Variants in CPED1 observed in about 807,000 individuals in gnomAD.
The protein encoded by CPED1 is cadherin like and PC-esterase domain containing 1.
In CPED1, 114 loss-of-function variants were observed where a neutral mutation model predicts 128.2. The observed-to-expected ratio is 0.89, with a 90% CI of 0.76 to 1.04. The LOEUF is 1.04. CPED1 is among the 50% of genes least tolerant of loss of function. The pLI is 0.00. For synonymous variants in CPED1, 462 were observed against 426.7 expected, an observed-to-expected ratio of 1.08 and a Z score of -1.02; for missense variants, 1,211 against 1,207.1, an observed-to-expected ratio of 1.00 and a Z score of -0.05.
intron 3 of CPED1, among the ~76,000 whole-genome samples, chr7:121,027,742 GTAATAATAATAATAATAA>G (rs10682627): frequency 1.4e-5 from 2 of 143,490 alleles, no homozygotes; most frequent in East Asian, 4.2e-4. Context: ...ATAACCTTTA[GTAATAATAATAATAATAA>G]TAATAATAAT....
intron 17 of CPED1, among the ~76,000 whole-genome samples, chr7:121,237,639 C>T (rs889220604): frequency 6.6e-6 from 1 of 152,110 alleles, no homozygotes; most frequent in Non-Finnish European, 1.5e-5. Context: ...GTTAGAGGAA[C>T]AGAGAGCATC....
intron 9 of CPED1, among the ~76,000 whole-genome samples, chr7:121,126,611 T>C (rs1446015050): frequency 6.6e-6 from 1 of 152,168 alleles, no homozygotes; most frequent in East Asian, 1.9e-4. Context: ...CCTCAAACTA[T>C]TATTCCGGTA....
At chr7:121,293,661 T>A (rs2116795048) in intron 22 of CPED1, among the ~76,000 whole-genome samples, 1 of 152,272 alleles carries the variant, frequency 6.6e-6, no homozygotes, top group Middle Eastern at 3.4e-3. Context: ...AATCTCCTGG[T>A]CTGCGGGTTG....
At chr7:121,148,342 C>A (rs1307821177) in intron 16 of CPED1, among the ~76,000 whole-genome samples, 2 of 152,148 alleles carry the variant, frequency 1.3e-5, no homozygotes, top group Non-Finnish European at 2.9e-5. Context: ...AGCAATGAAG[C>A]ATTTGTAGAA....
At chr7:120,993,591 C>T (rs1185515226) in intron 2 of CPED1, among the ~76,000 whole-genome samples, 1 of 152,096 alleles carries the variant, frequency 6.6e-6, no homozygotes. Flanking sequence ...GTATATTTAA[C>T]ATTTGAAAAT....
intron 10 of CPED1, 89 bp downstream of exon 10, chr7:121,127,346 A>G: frequency 2.5e-6 from 2 of 793,986 alleles, no homozygotes; most frequent in Middle Eastern, 3.8e-4. Flanking sequence ...CAGCAACTTG[A>G]TAATTCACTT....
intron 5 of CPED1, 48 bp downstream of exon 5, chr7:121,064,361 G>T (rs920561569): frequency 2.3e-6 from 3 of 1,310,746 alleles, no homozygotes; most frequent in Non-Finnish European, 2.2e-6. Context: ...AGATATGCAG[G>T]CTCCCTTAGC....
At chr7:121,234,896 T>A (rs923205106) in intron 16 of CPED1, among the ~76,000 whole-genome samples, 14 of 152,166 alleles carry the variant, frequency 9.2e-5, no homozygotes, top group African/African-American at 3.4e-4. Context: ...AATATCTCCA[T>A]GTTACTTAGT....
At chr7:120,994,660 T>TGTGTGTGTGTGTGTG (rs60506801) in intron 2 of CPED1, among the ~76,000 whole-genome samples, 2 of 127,338 alleles carry the variant, frequency 1.6e-5, no homozygotes, top group African/African-American at 6.0e-5. Context: ...TGTGTGTGTG[T>TGTGTGTGTGTGTGTG]TGTTGTTGTT....
chr7:121,098,627 G>C (rs867041576), intron 6 of CPED1, among the ~76,000 whole-genome samples: 18 of 151,102 alleles, frequency 1.2e-4, no homozygotes, highest in African/African-American at 4.1e-4. Context: ...AGCTACTCAA[G>C]AGGCTGAGGC....
At chr7:120,990,039 A>C (rs1796285093) in intron 2 of CPED1, among the ~76,000 whole-genome samples, 169 bp downstream of exon 2, 1 of 152,162 alleles carries the variant, frequency 6.6e-6, no homozygotes, top group Non-Finnish European at 1.5e-5. Flanking sequence ...ATAAGCTTCA[A>C]CTTCTTATAG....
chr7:121,274,288 A>G (rs1435131345), intron 22 of CPED1, among the ~76,000 whole-genome samples: 1 of 152,152 alleles, frequency 6.6e-6, no homozygotes, highest in Non-Finnish European at 1.5e-5. Flanking sequence ...CAGCACTAGA[A>G]TATTGGCTTA....
chr7:121,273,807 A>G (rs183363449), intron 22 of CPED1, among the ~76,000 whole-genome samples: 1 of 152,256 alleles, frequency 6.6e-6, no homozygotes, highest in African/African-American at 2.4e-5. Flanking sequence ...AAGAAAATAT[A>G]CAACGTTTAG....
At chr7:121,003,009 C>T (rs1037004034) in intron 2 of CPED1, among the ~76,000 whole-genome samples, 3 of 152,196 alleles carry the variant, frequency 2.0e-5, no homozygotes, top group Non-Finnish European at 2.9e-5. Flanking sequence ...AGGGCAGAGA[C>T]CAAGTTTACA....
chr7:121,011,221 A>G (rs1217179609), intron 2 of CPED1, among the ~76,000 whole-genome samples: 1 of 152,062 alleles, frequency 6.6e-6, no homozygotes, highest in African/African-American at 2.4e-5. Context: ...AAAAAAAAAC[A>G]AGTTTTATTT....
chr7:121,060,073 C>T (rs1461822736), intron 4 of CPED1, among the ~76,000 whole-genome samples: 1 of 152,158 alleles, frequency 6.6e-6, no homozygotes, highest in Non-Finnish European at 1.5e-5. Context: ...GAGCAGCCGG[C>T]CGGCCCTGCC....
chr7:121,028,423 G>A (rs538390190), intron 3 of CPED1, among the ~76,000 whole-genome samples: 1 of 152,214 alleles, frequency 6.6e-6, no homozygotes, highest in East Asian at 1.9e-4. Context: ...TTTCACTTTG[G>A]TAAGAAGCCC....
intron 7 of CPED1, among the ~76,000 whole-genome samples, chr7:121,123,281 G>A (rs1427820759): frequency 6.6e-6 from 1 of 152,060 alleles, no homozygotes; most frequent in African/African-American, 2.4e-5. Context: ...GGGGAATTTT[G>A]CTTATGCATT....
chr7:121,134,736 A>C (rs572003539), intron 13 of CPED1, among the ~76,000 whole-genome samples: 1 of 152,172 alleles, frequency 6.6e-6, no homozygotes, highest in East Asian at 1.9e-4. Flanking sequence ...AAACTTTAAA[A>C]AAGATAGTAA....
Sources: allele counts gnomAD v4.1 joint callset (sites outside exome capture counted in the v4.1 genomes callset), GRCh38; gene constraint gnomAD v4.1.1; transcripts MANE v1.5; gene names NCBI Gene and HGNC (gene_info 2026-07-23, HGNC 2026-07-21).